The following GNAO1 variants were observed in gnomAD, a reference collection of about 807,000 sequenced individuals.
The protein encoded by GNAO1 is G protein subunit alpha o1, also known as guanine nucleotide-binding protein G(o) subunit alpha.
For missense variants in GNAO1, 166 were observed against 478.7 expected, an observed-to-expected ratio of 0.35 and a Z score of 6.10; for synonymous variants, 164 against 180.7, an observed-to-expected ratio of 0.91 and a Z score of 0.74.
intron 2 of GNAO1, among the ~76,000 whole-genome samples, chr16:56,237,482 G>C (rs762324727): frequency 1.3e-5 from 2 of 152,090 alleles, no homozygotes; most frequent in Non-Finnish European, 2.9e-5. Flanking sequence ...GAAACCATGC[G>C]TTCTGGTGGC....
At chr16:56,332,816 C>G (rs1255296621) in intron 4 of GNAO1, among the ~76,000 whole-genome samples, 1 of 152,370 alleles carries the variant, frequency 6.6e-6, no homozygotes, top group Admixed American at 6.5e-5. Flanking sequence ...CAGGACCAAA[C>G]GCTTCCAGGC....
At position 56,328,724 on chromosome 16, in the gene GNAO1, G is replaced by A. The variant is rs374115337; in HGVS notation, c.397G>A (p.Gly133Ser). Residue 133 changes from glycine (G) to serine (S), a missense_variant, in exon 4 of 9, where the codon GGC becomes AGC. By Grantham distance (56) the Gly-to-Ser change is moderately conservative. Coordinates refer to ENST00000262493, the MANE Select transcript of GNAO1 (RefSeq NM_020988.3). ...ELLSAMMRLWGDSGIQECFNR... is the reference protein window; with the variant it reads ...ELLSAMMRLWSDSGIQECFNR... ...GCTTTCTGCCATGATGCGGCTCTGG[G>A]GCGACTCAGGAATCCAAGAGTGCTT... 28 of 1,614,090 alleles carry A rather than the reference G, an allele frequency of 1.7e-5. No individual in the cohort carries two copies. Among genetic ancestry groups the A allele is most frequent in the East Asian group, 8.9e-5 (4 of 44,898 alleles).
chr16:56,304,587 T>A (rs1420200303), intron 3 of GNAO1, among the ~76,000 whole-genome samples: 1 of 152,114 alleles, frequency 6.6e-6, no homozygotes, highest in Admixed American at 6.5e-5. Context: ...AAACATCAGT[T>A]TACAACTTTT....
intron 2 of GNAO1, among the ~76,000 whole-genome samples, chr16:56,234,715 C>T (rs2036620980): frequency 6.6e-6 from 1 of 152,142 alleles, no homozygotes. Context: ...TGGGACCAGC[C>T]CCTTCCCCTC....
At chr16:56,241,591 T>A (rs1310806620) in intron 2 of GNAO1, among the ~76,000 whole-genome samples, 2 of 152,234 alleles carry the variant, frequency 1.3e-5, no homozygotes, top group Non-Finnish European at 2.9e-5. Context: ...CAATGTAAAA[T>A]TTCCTTTTTA....
intron 3 of GNAO1, among the ~76,000 whole-genome samples, chr16:56,319,339 C>T (rs1395529514): frequency 6.6e-6 from 1 of 152,178 alleles, no homozygotes; most frequent in Non-Finnish European, 1.5e-5. Flanking sequence ...GACAGACAGG[C>T]ATCTGCTACA....
chr16:56,346,788 G>A, intron 6 of GNAO1: 1 of 985,490 alleles, frequency 1.0e-6, no homozygotes, highest in South Asian at 4.7e-5. Context: ...TCCATGGTCT[G>A]CACTGGTCTT....
chr16:56,192,506 TC>T (rs1228681405), intron 1 of GNAO1, 67 bp from the exon 2 acceptor site: 11 of 632,318 alleles, frequency 1.7e-5, no homozygotes, highest in East Asian at 4.4e-5. Flanking sequence ...CATGCCTTAG[TC>T]CCCCCCTCCC....
At chr16:56,230,154 C>T (rs2036575227) in intron 2 of GNAO1, among the ~76,000 whole-genome samples, 1 of 152,236 alleles carries the variant, frequency 6.6e-6, no homozygotes, top group East Asian at 1.9e-4. Context: ...AAAGCTGCTG[C>T]TCTGCATGTA....
intron 2 of GNAO1, among the ~76,000 whole-genome samples, chr16:56,197,461 T>G (rs1215933614): frequency 6.6e-6 from 1 of 152,218 alleles, no homozygotes; most frequent in African/African-American, 2.4e-5. Flanking sequence ...CACTGAGCTG[T>G]AAATACCAGC....
At chr16:56,203,805 G>A (rs62036910) in intron 2 of GNAO1, among the ~76,000 whole-genome samples, 2,996 of 152,294 alleles carry the variant, frequency 0.02, 73 homozygotes, top group Non-Finnish European at 0.025. Flanking sequence ...AGTAGGCCTG[G>A]AACATTCAGG....
Position 56,192,248 on chromosome 16 carries a change from CTG to C in GNAO1, c.14_15del (p.Leu5GlnfsTer15). 6.3e-7 allele frequency: 1 copy of C among 1,593,290 alleles called. No individual in the cohort carries two copies. The highest frequency in any genetic ancestry group is 8.6e-7 in the Non-Finnish European group (1 of 1,166,140). MGCT[L>X]SAEERAALER... ...GGAAGGGGCCACCATGGGATGTACT[CTG>C]AGCGCAGAGGAGAGAGCCGCCCTCG... On this transcript the variant is annotated frameshift_variant, in exon 1 of 9. Transcript: ENST00000262493. LOFTEE classifies it high-confidence loss of function.
chr16:56,332,918 G>C (rs2037703169), intron 4 of GNAO1, among the ~76,000 whole-genome samples: 1 of 152,238 alleles, frequency 6.6e-6, no homozygotes, highest in South Asian at 2.1e-4. Context: ...CAGAGGCTTG[G>C]GAGAGGCTCC....
At chr16:56,332,460 C>T (rs1366519433) in intron 4 of GNAO1, among the ~76,000 whole-genome samples, 2 of 152,242 alleles carry the variant, frequency 1.3e-5, no homozygotes, top group Non-Finnish European at 2.9e-5. Flanking sequence ...AGCAGCTCTC[C>T]CCCATCACTA....
intron 2 of GNAO1, among the ~76,000 whole-genome samples, chr16:56,205,617 G>A (rs930473579): frequency 3.9e-5 from 6 of 152,034 alleles, no homozygotes; most frequent in Non-Finnish European, 7.4e-5. Flanking sequence ...TTAGAGTTTC[G>A]ACCACATGGC....
intron 6 of GNAO1, chr16:56,341,104 A>G: frequency 1.2e-6 from 1 of 805,142 alleles, no homozygotes; most frequent in Non-Finnish European, 2.0e-6. Flanking sequence ...GAATCCACAC[A>G]AACGGTCCCC....
intron 2 of GNAO1, among the ~76,000 whole-genome samples, chr16:56,243,055 G>C (rs997826185): frequency 1.3e-5 from 2 of 151,892 alleles, no homozygotes; most frequent in African/African-American, 4.8e-5. Context: ...GATCTAGGTT[G>C]CATGCTTCTT....
chr16:56,328,586 G>A (rs2037658255), intron 3 of GNAO1, 45 bp from the exon 4 acceptor site: 1 of 1,598,986 alleles, frequency 6.3e-7, no homozygotes, highest in Admixed American at 1.7e-5. Flanking sequence ...GAGGTCTTCT[G>A]TCCCCACCAA....
chr16:56,301,386 C>T (rs1466731502), intron 3 of GNAO1, among the ~76,000 whole-genome samples: 13 of 152,316 alleles, frequency 8.5e-5, no homozygotes, highest in African/African-American at 2.2e-4. Flanking sequence ...GCACAGACTT[C>T]GGGGGTCAGA....
Sources: gnomAD v4.1 joint callset for allele counts (sites outside exome capture counted in the v4.1 genomes callset) on GRCh38, gnomAD v4.1.1 for gene constraint, MANE v1.5 for transcripts, NCBI Gene and HGNC (gene_info 2026-07-23, HGNC 2026-07-21) for gene names.